The following SMIM35 variants were observed in gnomAD, a reference collection of about 807,000 sequenced individuals.
The protein encoded by SMIM35 is TMPRSS4 antisense RNA 1 (non-protein coding).
At chr11:118,034,833 A>G (rs1255199718) in intron 1 of SMIM35, among the ~76,000 whole-genome samples, 1 of 152,212 alleles carries the variant, frequency 6.6e-6, no homozygotes, top group African/African-American at 2.4e-5. Flanking sequence ...CCACCTTATT[A>G]TAACACCAGC....
At chr11:118,016,134 TC>T (rs974270418) in intron 1 of SMIM35, among the ~76,000 whole-genome samples, 3 of 151,742 alleles carry the variant, frequency 2.0e-5, no homozygotes, top group African/African-American at 7.3e-5. Flanking sequence ...GCCTGGGAGG[TC>T]CAGCCTCAGC....
intron 1 of SMIM35, chr11:118,025,402 C>A (rs1419137799): frequency 2.6e-6 from 1 of 386,420 alleles, no homozygotes; most frequent in Admixed American, 3.3e-5. Context: ...ATTTACATTT[C>A]GACCAACAGT....
intron 1 of SMIM35, among the ~76,000 whole-genome samples, chr11:118,041,037 C>T (rs1943991966): frequency 6.6e-6 from 1 of 151,792 alleles, no homozygotes; most frequent in African/African-American, 2.4e-5. Flanking sequence ...AGTAATATTT[C>T]TATACATCAC....
At chr11:118,065,279 T>G (rs944573942) in intron 1 of SMIM35, among the ~76,000 whole-genome samples, 1 of 152,154 alleles carries the variant, frequency 6.6e-6, no homozygotes, top group Admixed American at 6.5e-5. Flanking sequence ...TAGAGCACCG[T>G]GAAGAGGTAG....
At chr11:118,068,184 T>A (rs1400582887) in intron 1 of SMIM35, among the ~76,000 whole-genome samples, 6 of 152,010 alleles carry the variant, frequency 3.9e-5, no homozygotes, top group African/African-American at 1.4e-4. Context: ...GGATGCTCAG[T>A]ATCTGTGGGT....
intron 1 of SMIM35, among the ~76,000 whole-genome samples, chr11:118,054,930 A>C (rs1444296541): frequency 6.6e-6 from 1 of 151,656 alleles, no homozygotes; most frequent in African/African-American, 2.4e-5. Flanking sequence ...CAGCCTCCTG[A>C]GAAGCTGGGA....
At chr11:118,064,648 T>G (rs936291488) in intron 1 of SMIM35, among the ~76,000 whole-genome samples, 1 of 151,336 alleles carries the variant, frequency 6.6e-6, no homozygotes, top group Non-Finnish European at 1.5e-5. Context: ...TTCATCACTA[T>G]TATTATTATT....
intron 1 of SMIM35, among the ~76,000 whole-genome samples, chr11:118,032,445 T>A (rs1398323075): frequency 6.6e-6 from 1 of 152,248 alleles, no homozygotes; most frequent in Non-Finnish European, 1.5e-5. Context: ...ATGATATGCA[T>A]TTTAATGTAT....
intron 1 of SMIM35, chr11:118,025,695 C>T (rs780472659): frequency 1.5e-5 from 7 of 452,074 alleles, no homozygotes; most frequent in South Asian, 3.2e-5. Flanking sequence ...GATATTAGAC[C>T]CTTGTTGGAT....
chr11:118,083,618 A>G (rs1374855951), intron 1 of SMIM35, among the ~76,000 whole-genome samples: 1 of 152,198 alleles, frequency 6.6e-6, no homozygotes, highest in East Asian at 1.9e-4. Flanking sequence ...ATTGTTATTA[A>G]TAACTAATAA....
chr11:118,030,032 G>T (rs989848407), intron 1 of SMIM35, among the ~76,000 whole-genome samples: 4 of 151,948 alleles, frequency 2.6e-5, no homozygotes, highest in African/African-American at 7.3e-5. Context: ...ATGGGCAGGG[G>T]GATATAACTT....
intron 1 of SMIM35, among the ~76,000 whole-genome samples, chr11:118,076,192 A>C (rs1944680342): frequency 6.6e-6 from 1 of 152,216 alleles, no homozygotes; most frequent in African/African-American, 2.4e-5. Flanking sequence ...GAATCACTTG[A>C]ACCTGGGAGG....
intron 1 of SMIM35, among the ~76,000 whole-genome samples, chr11:118,040,402 A>G (rs1212721070): frequency 6.6e-6 from 1 of 152,242 alleles, no homozygotes; most frequent in Admixed American, 6.5e-5. Flanking sequence ...CCTTCATAAG[A>G]TTAGCACTTG....
chr11:118,051,480 C>T (rs1302684243), intron 1 of SMIM35, among the ~76,000 whole-genome samples: 1 of 152,272 alleles, frequency 6.6e-6, no homozygotes, highest in Admixed American at 6.5e-5. Context: ...CTTCTCTCCT[C>T]CCCATGCCCT....
At chr11:118,014,874 TG>T in intron 2 of SMIM35, 133 bp from the exon 3 acceptor site, 1 of 396,736 alleles carries the variant, frequency 2.5e-6, no homozygotes, top group Non-Finnish European at 4.4e-6. Flanking sequence ...CAGGATGGTG[TG>T]GGAGCATTCC....
At chr11:118,018,806 C>A (rs2058203655) in intron 1 of SMIM35, among the ~76,000 whole-genome samples, 1 of 152,176 alleles carries the variant, frequency 6.6e-6, no homozygotes, top group East Asian at 1.9e-4. Context: ...CTCTATTTTA[C>A]CTTTTGATCT....
chr11:118,038,460 T>A (rs532223086), intron 1 of SMIM35, among the ~76,000 whole-genome samples: 89 of 152,326 alleles, frequency 5.8e-4, no homozygotes, highest in African/African-American at 2.0e-3. Flanking sequence ...CTTTTCTATA[T>A]GATGTGCAAG....
intron 1 of SMIM35, among the ~76,000 whole-genome samples, chr11:118,051,564 G>A (rs1262184087): frequency 6.6e-6 from 1 of 152,228 alleles, no homozygotes; most frequent in Non-Finnish European, 1.5e-5. Context: ...CATTGCACTG[G>A]TGATAGCCTG....
At chr11:118,076,073 G>A (rs1944675851) in intron 1 of SMIM35, among the ~76,000 whole-genome samples, 1 of 152,216 alleles carries the variant, frequency 6.6e-6, no homozygotes, top group East Asian at 1.9e-4. Flanking sequence ...TTTGAGACCA[G>A]CCTGGCCAAC....
Sources: allele counts gnomAD v4.1 joint callset (sites outside exome capture counted in the v4.1 genomes callset), GRCh38; gene constraint gnomAD v4.1.1; transcripts MANE v1.5; gene names NCBI Gene and HGNC (gene_info 2026-07-23, HGNC 2026-07-21).